The following SNTG1 variants were observed in gnomAD, a reference collection of about 807,000 sequenced individuals.
The protein encoded by SNTG1 is gamma-1-syntrophin.
A neutral mutation model predicts 74.7 loss-of-function variants in SNTG1; 39 were observed. The ratio of observed to expected loss-of-function variants is 0.52; its 90% CI spans 0.40 to 0.68. The LOEUF is 0.68. SNTG1 is among the 30% of genes least tolerant of loss of function. The pLI is 0.00. For synonymous variants in SNTG1, 254 were observed against 217.1 expected (o/e 1.17, Z -1.49); for missense variants, 685 against 609.5 (o/e 1.12, Z -1.30).
At chr8:50,058,226 A>T (rs1820188815) in intron 1 of SNTG1, among the ~76,000 whole-genome samples, 1 of 152,194 alleles carries the variant, frequency 6.6e-6, no homozygotes, top group African/African-American at 2.4e-5. Context: ...TCTATGGAAT[A>T]GATAAATAAT....
chr8:50,633,636 G>A (rs2095018786), intron 13 of SNTG1, among the ~76,000 whole-genome samples: 1 of 152,150 alleles, frequency 6.6e-6, no homozygotes, highest in Non-Finnish European at 1.5e-5. Flanking sequence ...ATGTTGAGGT[G>A]GGCTGTGCAC....
At chr8:50,193,683 T>A (rs1158634735) in intron 2 of SNTG1, among the ~76,000 whole-genome samples, 1 of 152,134 alleles carries the variant, frequency 6.6e-6, no homozygotes. Flanking sequence ...GTATGATTGC[T>A]CTGACTAGGA....
chr8:50,558,219 C>A (rs1012641211), intron 12 of SNTG1, among the ~76,000 whole-genome samples: 1 of 152,178 alleles, frequency 6.6e-6, no homozygotes, highest in Non-Finnish European at 1.5e-5. Context: ...CCAGCTGGCC[C>A]GGCTGCCCCA....
chr8:49,938,587 C>CTTT (rs756104336), intron 1 of SNTG1, among the ~76,000 whole-genome samples: 17 of 42,054 alleles, frequency 4.0e-4, no homozygotes, highest in Admixed American at 1.6e-3. Context: ...CTTTTCTTTT[C>CTTT]TTTTCTTTTC....
At position 50,087,028 on chromosome 8, in the gene SNTG1, G is replaced by A. The variant is rs925788533; in HGVS notation, c.-102-85533G>A. 2.6e-5 allele frequency among the ~76,000 whole-genome samples: 4 copies of A among 152,144 alleles called. No individual in the cohort carries two copies. The South Asian group carries it at 6.2e-4, about 24-fold the overall frequency. On this transcript the variant is annotated intron_variant, in intron 1 of 18. Coordinates refer to ENST00000642720, the MANE Select transcript of SNTG1 (RefSeq NM_018967.5). ...GTTCTTTTATTTGTTTCACACAGAA[G>A]TCAGCTTCAAGGTCTTGTCAGGATT...
chr8:50,070,935 G>A (rs529252667), intron 1 of SNTG1, among the ~76,000 whole-genome samples: 8 of 152,224 alleles, frequency 5.3e-5, no homozygotes, highest in East Asian at 1.9e-4. Flanking sequence ...ATGGAGGGTC[G>A]GACTTGCCAC....
intron 13 of SNTG1, among the ~76,000 whole-genome samples, chr8:50,626,015 G>T (rs1036309903): frequency 6.6e-6 from 1 of 152,082 alleles, no homozygotes; most frequent in Admixed American, 6.6e-5. Flanking sequence ...GCTTCAAACC[G>T]ATTATATAAG....
chr8:50,405,829 T>C lies in SNTG1; in HGVS notation c.162+3485T>C, dbSNP rs551791172. On this transcript the variant is annotated intron_variant, in intron 4 of 18. Transcript: ENST00000642720. ...GTTAACTTCTGTACATAGCATTAGG[T>C]AAAGATCCAACTTCATTCTTTAGCA... Among the ~76,000 whole-genome samples the C allele has an allele frequency of 1.2e-4, 18 of 152,270 alleles. No individual in the cohort carries two copies. In the South Asian group the frequency reaches 3.7e-3, roughly 32 times the overall value.
intron 8 of SNTG1, among the ~76,000 whole-genome samples, chr8:50,493,575 T>C (rs1160000839): frequency 1.3e-5 from 2 of 152,118 alleles, no homozygotes; most frequent in Non-Finnish European, 2.9e-5. Context: ...CACTTTGACT[T>C]GAGTGGTGTT....
intron 1 of SNTG1, among the ~76,000 whole-genome samples, chr8:50,157,199 T>C (rs1372991309): frequency 6.6e-6 from 1 of 152,102 alleles, no homozygotes; most frequent in Non-Finnish European, 1.5e-5. Flanking sequence ...TGAATATAGA[T>C]ATTTAGATGC....
At chr8:49,952,788 T>G (rs1809837498) in intron 1 of SNTG1, among the ~76,000 whole-genome samples, 1 of 152,170 alleles carries the variant, frequency 6.6e-6, no homozygotes, top group Admixed American at 6.5e-5. Flanking sequence ...ATATAGGACT[T>G]TTTAATAGCT....
intron 13 of SNTG1, among the ~76,000 whole-genome samples, chr8:50,630,445 A>G (rs1392597418): frequency 6.6e-6 from 1 of 152,180 alleles, no homozygotes; most frequent in Non-Finnish European, 1.5e-5. Flanking sequence ...TCTTTTCTCC[A>G]CAGTTCTTCA....
chr8:50,400,191 A>G (rs1242345520), intron 3 of SNTG1, among the ~76,000 whole-genome samples: 1 of 152,194 alleles, frequency 6.6e-6, no homozygotes, highest in Non-Finnish European at 1.5e-5. Context: ...AAAGTCTGGT[A>G]TTATTTGCCT....
At chr8:50,120,264 C>T (rs1157375838) in intron 1 of SNTG1, among the ~76,000 whole-genome samples, 2 of 140,030 alleles carry the variant, frequency 1.4e-5, no homozygotes, top group African/African-American at 2.6e-5. Context: ...TCTTAGTATA[C>T]TAGCTATTAC....
intron 13 of SNTG1, among the ~76,000 whole-genome samples, chr8:50,611,841 A>T (rs1563646078): frequency 6.6e-6 from 1 of 152,096 alleles, no homozygotes; most frequent in Non-Finnish European, 1.5e-5. Flanking sequence ...ATCTTGGCTC[A>T]CCACACCCTT....
chr8:49,959,904 G>A (rs550845706), intron 1 of SNTG1, among the ~76,000 whole-genome samples: 1 of 152,306 alleles, frequency 6.6e-6, no homozygotes, highest in African/African-American at 2.4e-5. Flanking sequence ...AGGTAAAATG[G>A]ATGAGGATTT....
chr8:50,217,403 A>T (rs1266823774), intron 2 of SNTG1, among the ~76,000 whole-genome samples: 1 of 152,088 alleles, frequency 6.6e-6, no homozygotes, highest in African/African-American at 2.4e-5. Flanking sequence ...AATCAATCTT[A>T]AAAACTCTAT....
chr8:50,491,692 A>AACTT (rs1156515007), intron 8 of SNTG1, among the ~76,000 whole-genome samples: 35 of 148,814 alleles, frequency 2.4e-4, no homozygotes, highest in African/African-American at 5.2e-4. Context: ...TGTGATCCAG[A>AACTT]ACTTATTTAT....
intron 15 of SNTG1, among the ~76,000 whole-genome samples, chr8:50,701,491 A>T (rs1453079780): frequency 6.6e-6 from 1 of 152,054 alleles, no homozygotes. Context: ...TTTATCTTTG[A>T]TATTCTACTC....
Sources: gnomAD v4.1 joint callset for allele counts (sites outside exome capture counted in the v4.1 genomes callset) on GRCh38, gnomAD v4.1.1 for gene constraint, MANE v1.5 for transcripts, NCBI Gene and HGNC (gene_info 2026-07-23, HGNC 2026-07-21) for gene names.